TENM2: variants seen among roughly 807,000 people sequenced by gnomAD.
TENM2 encodes the protein teneurin-2.
A neutral mutation model predicts 245.2 loss-of-function variants in TENM2; 52 were observed. The observed-to-expected ratio is 0.21, with a 90% CI of 0.17 to 0.27. TENM2 has a LOEUF of 0.27. TENM2 is among the 10% of genes least tolerant of loss of function. TENM2 has a pLI of 1.00. For synonymous variants in TENM2, 1,363 were observed against 1,438.9 expected (o/e 0.95, Z 1.19); for missense variants, 3,046 against 3,666.8 (o/e 0.83, Z 4.37).
intron 2 of TENM2, among the ~76,000 whole-genome samples, chr5:167,455,757 G>A (rs938699952): frequency 2.0e-5 from 3 of 152,076 alleles, no homozygotes; most frequent in South Asian, 2.1e-4. Flanking sequence ...CCAAGAGACC[G>A]TTCAAGGGTG....
At chr5:167,086,841 C>T in the TENM2 span, among the ~76,000 whole-genome samples, 1 of 151,864 alleles carries the variant, frequency 6.6e-6, no homozygotes, top group African/African-American at 2.4e-5. Context: ...TAATCATAAT[C>T]CCTTATCAGG....
chr5:167,121,240 A>C, the TENM2 span, among the ~76,000 whole-genome samples: 1 of 152,318 alleles, frequency 6.6e-6, no homozygotes, highest in South Asian at 2.1e-4. Flanking sequence ...ATGAATAAGT[A>C]AGATCATATC....
intron 2 of TENM2, among the ~76,000 whole-genome samples, chr5:167,457,487 G>A (rs1240233569): frequency 2.0e-5 from 3 of 151,888 alleles, no homozygotes; most frequent in African/African-American, 4.8e-5. Context: ...GGATTACATG[G>A]GTGGCATGCG....
chr5:167,902,625 G>GA (rs1243918604), intron 3 of TENM2, among the ~76,000 whole-genome samples: 2 of 152,134 alleles, frequency 1.3e-5, no homozygotes. Context: ...GGGAGAAATG[G>GA]AATGAGTTGT....
At chr5:167,351,051 TG>T (rs1159480716) in intron 1 of TENM2, among the ~76,000 whole-genome samples, 1 of 133,106 alleles carries the variant, frequency 7.5e-6, no homozygotes, top group Non-Finnish European at 1.6e-5. Flanking sequence ...TATATATATA[TG>T]GGATATATAC....
intron 2 of TENM2, among the ~76,000 whole-genome samples, chr5:167,514,282 C>G (rs118187221): frequency 6.6e-6 from 1 of 152,140 alleles, no homozygotes; most frequent in African/African-American, 2.4e-5. Flanking sequence ...AGAGAAAACA[C>G]GGAAGTGAAC....
intron 2 of TENM2, among the ~76,000 whole-genome samples, chr5:167,378,687 A>G (rs1477003623): frequency 6.6e-6 from 1 of 152,072 alleles, no homozygotes; most frequent in South Asian, 2.1e-4. Flanking sequence ...CACTTAAAAT[A>G]TGTCCTCTCT....
At chr5:168,126,539 G>A (rs1279194899) in intron 11 of TENM2, among the ~76,000 whole-genome samples, 1 of 152,180 alleles carries the variant, frequency 6.6e-6, no homozygotes, top group Admixed American at 6.6e-5. Flanking sequence ...TACTGATGCT[G>A]TTGGTCCAGG....
intron 2 of TENM2, among the ~76,000 whole-genome samples, chr5:167,607,281 A>G (rs1039742197): frequency 1.3e-5 from 2 of 152,160 alleles, no homozygotes; most frequent in Non-Finnish European, 2.9e-5. Flanking sequence ...TGAATGCCCC[A>G]CTGAAAGGGG....
chr5:167,654,675 C>T (rs1441096400), intron 2 of TENM2, among the ~76,000 whole-genome samples: 1 of 151,436 alleles, frequency 6.6e-6, no homozygotes, highest in Non-Finnish European at 1.5e-5. Context: ...TGGTATTACT[C>T]TAAAAACCTC....
intron 2 of TENM2, among the ~76,000 whole-genome samples, chr5:167,698,746 C>G (rs1456605664): frequency 7.4e-6 from 1 of 135,622 alleles, no homozygotes; most frequent in Non-Finnish European, 1.5e-5. Flanking sequence ...TGCAGTGGTG[C>G]GATCTCTGCT....
intron 27 of TENM2, among the ~76,000 whole-genome samples, chr5:168,248,853 C>G (rs370111622): frequency 2.6e-5 from 4 of 152,166 alleles, no homozygotes; most frequent in African/African-American, 9.7e-5. Context: ...GTGGCTCATG[C>G]CACCCACGTA....
chr5:168,008,366 T>A (rs1784983311), intron 5 of TENM2, among the ~76,000 whole-genome samples: 1 of 152,210 alleles, frequency 6.6e-6, no homozygotes, highest in Non-Finnish European at 1.5e-5. Flanking sequence ...GGCAGGAGGT[T>A]TAATTTGATT....
At chr5:167,580,446 C>T (rs906913511) in intron 2 of TENM2, among the ~76,000 whole-genome samples, 1 of 152,220 alleles carries the variant, frequency 6.6e-6, no homozygotes, top group African/African-American at 2.4e-5. Context: ...GTTAGTTATT[C>T]TCCACCATTC....
At chr5:168,123,137 A>G (rs1015192947) in intron 10 of TENM2, among the ~76,000 whole-genome samples, 9 of 93,548 alleles carry the variant, frequency 9.6e-5, no homozygotes, top group Admixed American at 1.9e-4. Context: ...TTTCTAGAGA[A>G]AAAAAAAAAA....
intron 2 of TENM2, among the ~76,000 whole-genome samples, chr5:167,630,739 G>A (rs1018209135): frequency 6.6e-6 from 1 of 152,154 alleles, no homozygotes; most frequent in African/African-American, 2.4e-5. Context: ...AACTGGATCA[G>A]TAATCTAGGA....
At chr5:168,084,214 A>G (rs1444478516) in intron 7 of TENM2, among the ~76,000 whole-genome samples, 1 of 152,222 alleles carries the variant, frequency 6.6e-6, no homozygotes, top group African/African-American at 2.4e-5. Context: ...TGCTGCAATG[A>G]ACATATGAGT....
At chr5:167,788,958 T>C (rs1764763331) in intron 2 of TENM2, among the ~76,000 whole-genome samples, 1 of 152,166 alleles carries the variant, frequency 6.6e-6, no homozygotes, top group Non-Finnish European at 1.5e-5. Context: ...TACAAAATCT[T>C]TGTGGGTCAA....
chr5:167,266,282 A>C, the TENM2 span, among the ~76,000 whole-genome samples: 1 of 152,152 alleles, frequency 6.6e-6, no homozygotes, highest in African/African-American at 2.4e-5. Flanking sequence ...GGGTATAAGA[A>C]GAAGGGGGTG....
Sources: gnomAD v4.1 joint callset for allele counts (sites outside exome capture counted in the v4.1 genomes callset) on GRCh38, gnomAD v4.1.1 for gene constraint, MANE v1.5 for transcripts, NCBI Gene and HGNC (gene_info 2026-07-23, HGNC 2026-07-21) for gene names.